Variants in EFR3A observed in about 807,000 individuals in gnomAD.
EFR3A encodes protein EFR3 homolog A.
A neutral mutation model predicts 104.4 loss-of-function variants in EFR3A; 76 were observed. The ratio of observed to expected loss-of-function variants is 0.73; its 90% CI spans 0.60 to 0.88. The LOEUF is 0.88. Ranked by LOEUF, EFR3A falls within the 40% of genes least tolerant of loss-of-function variation. EFR3A has a pLI of 0.00. For synonymous variants in EFR3A, 330 were observed against 330.0 expected (o/e 1.00, Z 0.00); for missense variants, 985 against 1,012.5 (o/e 0.97, Z 0.37).
At chr8:131,923,075 A>G (rs1423552624) in intron 1 of EFR3A, among the ~76,000 whole-genome samples, 1 of 152,168 alleles carries the variant, frequency 6.6e-6, no homozygotes. Flanking sequence ...TGAAAGCTGT[A>G]TTCACAGGTT....
rs115391060 is a variant in EFR3A, at chr8:131,971,219, T to C, written c.1159+576T>C. On this transcript the variant is annotated intron_variant, in intron 10 of 22. Coordinates refer to ENST00000254624, the MANE Select transcript of EFR3A (RefSeq NM_015137.6). ...TGACCCAATAATGTACTATATTGACTTTTTTCCTTGAATCCAAGATTCAGT... is the reference window on the plus strand; with the variant it reads ...TGACCCAATAATGTACTATATTGACCTTTTTCCTTGAATCCAAGATTCAGT... Among the ~76,000 whole-genome samples the C allele has an allele frequency of 8.2e-3, 1,255 of 152,320 alleles. 18 individuals carry two copies. The highest frequency in any genetic ancestry group is 0.028 in the African/African-American group (1,174 of 41,562).
intron 1 of EFR3A, among the ~76,000 whole-genome samples, chr8:131,937,181 C>T (rs971973505): frequency 6.6e-6 from 1 of 152,188 alleles, no homozygotes; most frequent in South Asian, 2.1e-4. Context: ...ATATATTTCA[C>T]AATATCACAG....
At chr8:132,000,255 A>C (rs886238016) in intron 19 of EFR3A, among the ~76,000 whole-genome samples, 4 of 151,982 alleles carry the variant, frequency 2.6e-5, no homozygotes, top group African/African-American at 4.8e-5. Flanking sequence ...CAGCCTCCTG[A>C]GTAGCTGGGA....
intron 8 of EFR3A, among the ~76,000 whole-genome samples, chr8:131,966,245 G>A (rs2130683727): frequency 6.6e-6 from 1 of 152,036 alleles, no homozygotes; most frequent in East Asian, 1.9e-4. Flanking sequence ...ACAAAAAAAA[G>A]AGTTTCTGCA....
At chr8:131,951,415 T>C (rs925364921) in intron 5 of EFR3A, among the ~76,000 whole-genome samples, 3 of 152,100 alleles carry the variant, frequency 2.0e-5, no homozygotes, top group Admixed American at 6.6e-5. Context: ...GGAAAATTAA[T>C]TTTTCTCTCT....
chr8:131,958,196 C>T (rs1317907451), intron 7 of EFR3A, among the ~76,000 whole-genome samples: 6 of 151,868 alleles, frequency 4.0e-5, no homozygotes, highest in South Asian at 2.1e-4. Flanking sequence ...TTGTATTGGA[C>T]GATATTTAAC....
At chr8:131,948,132 A>G (rs1249472433) in intron 4 of EFR3A, among the ~76,000 whole-genome samples, 1 of 152,114 alleles carries the variant, frequency 6.6e-6, no homozygotes, top group African/African-American at 2.4e-5. Context: ...AATAAAAAAA[A>G]TCATATATTA....
At chr8:131,993,063 T>C (rs1260865007) in intron 18 of EFR3A, among the ~76,000 whole-genome samples, 1 of 151,794 alleles carries the variant, frequency 6.6e-6, no homozygotes, top group East Asian at 1.9e-4. Context: ...AGAGATGAGA[T>C]AGGCCTATTG....
chr8:131,986,101 G>C, intron 16 of EFR3A, 93 bp from the exon 17 acceptor site: 1 of 537,304 alleles, frequency 1.9e-6, no homozygotes, highest in Non-Finnish European at 3.2e-6. Context: ...AATGTTTAAA[G>C]TTGTTTTTTT....
chr8:131,925,276 A>G (rs558175956), intron 1 of EFR3A, among the ~76,000 whole-genome samples: 1 of 152,324 alleles, frequency 6.6e-6, no homozygotes, highest in African/African-American at 2.4e-5. Flanking sequence ...AACTAAAATA[A>G]TGAAGATTTT....
chr8:131,977,011 T>C, intron 11 of EFR3A, 30 bp from the exon 12 acceptor site: 1 of 1,486,178 alleles, frequency 6.7e-7, no homozygotes, highest in Non-Finnish European at 9.3e-7. Context: ...TGCTAATTAG[T>C]ATAATAATTC....
At chr8:131,911,724 A>G (rs1324743526) in intron 1 of EFR3A, among the ~76,000 whole-genome samples, 1 of 152,236 alleles carries the variant, frequency 6.6e-6, no homozygotes, top group African/African-American at 2.4e-5. Context: ...CAAAGTATGG[A>G]CATTATATAG....
At chr8:131,948,806 CTGG>C (rs762987128) in intron 4 of EFR3A, among the ~76,000 whole-genome samples, 10 of 151,980 alleles carry the variant, frequency 6.6e-5, no homozygotes, top group Non-Finnish European at 1.3e-4. Flanking sequence ...CTAGTATTTC[CTGG>C]TGGTCTAATT....
intron 18 of EFR3A, among the ~76,000 whole-genome samples, chr8:131,993,849 C>G (rs1225745112): frequency 6.6e-6 from 1 of 152,118 alleles, no homozygotes; most frequent in Non-Finnish European, 1.5e-5. Context: ...CCAAATACCA[C>G]ATGTTCTCAC....
At position 131,904,113 on chromosome 8, in the gene EFR3A, AGGAGTGGGCT is replaced by A; in HGVS notation, c.-197_-188del. 2.0e-6 allele frequency: 1 copy of A among 511,258 alleles called. No homozygotes were observed. The highest frequency in any genetic ancestry group is 3.0e-6 in the Non-Finnish European group (1 of 335,996). The allele number at this position is 511,258 out of a possible 1,614,324, so 31.7% of individuals were successfully genotyped here. ...GGGTCGTCCGTCGCGCCGCCCGGCG[AGGAGTGGGCT>A]GGCGGCGGTAGCTGTCGCCCGCTTG... is the stretch of plus-strand genomic sequence containing the variant. On this transcript the variant is annotated 5_prime_UTR_variant, in exon 1 of 23. Coordinates refer to ENST00000254624, the MANE Select transcript of EFR3A (RefSeq NM_015137.6).
At position 131,984,204 on chromosome 8, in the gene EFR3A, C is replaced by T. The variant is rs760412623; in HGVS notation, c.1641C>T (p.Asn547=). The T allele has an allele frequency of 3.7e-6, 6 of 1,612,078 alleles. No homozygotes were observed. The Admixed American group carries it at 1.0e-4, about 27-fold the overall frequency. The part of the protein sequence containing the change: ...GCKEEDNVQK[N]YELLYTSLAL... ...AAGAGGAAGACAACGTTCAGAAAAACTATGAACTACTTTATACTTCTCTTG... is the reference window on the plus strand; with the variant it reads ...AAGAGGAAGACAACGTTCAGAAAAATTATGAACTACTTTATACTTCTCTTG... The change falls in exon 15 of 23, where the codon AAC becomes AAT. Residue 547 remains asparagine (N), a synonymous_variant. Coordinates refer to ENST00000254624, the MANE Select transcript of EFR3A (RefSeq NM_015137.6).
At chr8:131,966,803 A>G (rs1296805047) in intron 8 of EFR3A, among the ~76,000 whole-genome samples, 1 of 152,170 alleles carries the variant, frequency 6.6e-6, no homozygotes, top group Non-Finnish European at 1.5e-5. Context: ...CTTCAGTGTA[A>G]GGGCAAATTT....
At chr8:131,928,898 A>G (rs555245742) in intron 1 of EFR3A, among the ~76,000 whole-genome samples, 19 of 151,948 alleles carry the variant, frequency 1.3e-4, no homozygotes, top group East Asian at 3.9e-4. Flanking sequence ...TTCTAACACA[A>G]TCCTTTTGTA....
chr8:131,998,584 C>CCT (rs1466291214), intron 19 of EFR3A, among the ~76,000 whole-genome samples: 3 of 151,980 alleles, frequency 2.0e-5, no homozygotes, highest in African/African-American at 7.2e-5. Flanking sequence ...CCTTGGCCTA[C>CCT]TGAGAATCAT....
Sources: allele counts gnomAD v4.1 joint callset (sites outside exome capture counted in the v4.1 genomes callset), GRCh38; gene constraint gnomAD v4.1.1; transcripts MANE v1.5; gene names NCBI Gene and HGNC (gene_info 2026-07-23, HGNC 2026-07-21).